TACC2: variants seen among roughly 807,000 people sequenced by gnomAD.
TACC2 encodes the protein transforming acidic coiled-coil-containing protein 2.
A neutral mutation model predicts 227.3 loss-of-function variants in TACC2; 137 were observed. The ratio of observed to expected loss-of-function variants is 0.60; its 90% CI spans 0.52 to 0.69. The LOEUF (loss-of-function observed/expected upper bound fraction) is 0.69. Among genes scored for constraint, TACC2 ranks in the 30% least tolerant of loss-of-function variants. TACC2 has a pLI of 0.00. For synonymous variants in TACC2, 1,523 were observed against 1,487.5 expected, an observed-to-expected ratio of 1.02 and a Z score of -0.55; for missense variants, 3,470 against 3,694.4, an observed-to-expected ratio of 0.94 and a Z score of 1.57.
At chr10:122,132,585 G>A (rs576771097) in intron 5 of TACC2, 24 bp from the exon 6 acceptor site, 2 of 1,613,902 alleles carry the variant, frequency 1.2e-6, no homozygotes, top group African/African-American at 2.7e-5. Flanking sequence ...CTGAGTTTAG[G>A]TTCTTTCCCT....
rs199771319 is a variant in TACC2, at chr10:122,086,481, A to G, written c.3981A>G (p.Pro1327=). The change falls in exon 4 of 23, where the codon CCA becomes CCG. Residue 1327 remains proline, a synonymous_variant. Transcript: ENST00000369005. ...CTGAGGGACCAGTGGACTCCATGCC[A>G]TGCCTGGACCGGATGCCACTTCTGG... ...RTTEGPVDSM[P]CLDRMPLLAK... 1 of 1,613,824 alleles carries G rather than the reference A, an allele frequency of 6.2e-7. No homozygotes were observed. Among genetic ancestry groups the G allele is most frequent in the South Asian group, 1.1e-5 (1 of 91,076 alleles).
At chr10:122,108,386 CTT>C (rs1491512987) in intron 5 of TACC2, among the ~76,000 whole-genome samples, 13 of 119,264 alleles carry the variant, frequency 1.1e-4, no homozygotes, top group South Asian at 6.4e-4. Context: ...CGCGCTCTCT[CTT>C]TCTCTCTCTC....
In TACC2 at chr10:122,143,498, G is replaced by A; in HGVS notation, c.5700-74G>A. On this transcript the variant is annotated intron_variant, in intron 6 of 22. Transcript: ENST00000369005. The stretch of plus-strand genomic sequence containing the variant: ...TGTGTGGGCGGGTGGGTTGGGTGGG[G>A]TGAATGGGGCCTGATGAATGTGCCA... 2.6e-6 allele frequency: 4 copies of A among 1,536,976 alleles called. No homozygotes were observed. The South Asian group carries it at 4.9e-5, about 19-fold the overall frequency.
chr10:122,188,182 T>C (rs1280558969), intron 7 of TACC2, among the ~76,000 whole-genome samples: 1 of 152,222 alleles, frequency 6.6e-6, no homozygotes, highest in Non-Finnish European at 1.5e-5. Flanking sequence ...CAGAAAATGG[T>C]TGGAGGACTG....
intron 1 of TACC2, among the ~76,000 whole-genome samples, chr10:121,998,009 A>C (rs1400335248): frequency 1.3e-5 from 2 of 152,022 alleles, no homozygotes; most frequent in Non-Finnish European, 1.5e-5. Context: ...CTGCTCAAGG[A>C]ACTGACAAGG....
rs542176409 is a variant in TACC2 at position 122,190,317 on chromosome 10, G to A, written c.5835-4723G>A. On this transcript the variant is annotated intron_variant, in intron 7 of 22. Coordinates refer to ENST00000369005, the MANE Select transcript of TACC2 (RefSeq NM_206862.4). ...CTCTTGCTTTGGGGCCAATTTCCAC[G>A]CCCTTCTTTCACACGGTGTGTCAGC... Among the ~76,000 whole-genome samples the A allele has an allele frequency of 2.4e-4, 36 of 152,296 alleles. No homozygotes were observed. In the South Asian group the frequency reaches 5.4e-3, roughly 23 times the overall value.
chr10:122,042,046 C>T lies in TACC2; in HGVS notation c.34-8392C>T, dbSNP rs372965988. 4.0e-5 allele frequency among the ~76,000 whole-genome samples: 6 copies of T among 151,808 alleles called. 1 individual carries two copies. Among genetic ancestry groups the T allele is most frequent in the East Asian group, 3.9e-4 (2 of 5,138 alleles). On this transcript the variant is annotated intron_variant, in intron 2 of 22. Coordinates refer to ENST00000369005, the MANE Select transcript of TACC2 (RefSeq NM_206862.4). ...CTGCAAGCTCCACCTCCCAGGTTCA[C>T]GCCATTCTTCTGCCTCAGCCTCCCG...
intron 7 of TACC2, among the ~76,000 whole-genome samples, chr10:122,159,603 C>T (rs1057239930): frequency 2.0e-5 from 3 of 152,180 alleles, no homozygotes; most frequent in African/African-American, 7.2e-5. Context: ...AGATAACACT[C>T]TCAGAGACAG....
intron 11 of TACC2, among the ~76,000 whole-genome samples, chr10:122,219,028 A>AG: frequency 7.0e-6 from 1 of 142,602 alleles, no homozygotes; most frequent in Non-Finnish European, 1.5e-5. Flanking sequence ...CAAAAAAAAA[A>AG]AAAAAAAGAA....
chr10:122,209,988 G>A lies in TACC2; in HGVS notation c.5972-409G>A, dbSNP rs531948380. 15 of 205,544 alleles carry A rather than the reference G, an allele frequency of 7.3e-5. 1 individual carries two copies. The highest frequency in any genetic ancestry group is 1.2e-4 in the East Asian group (1 of 8,278). The allele number at this position is 205,544 out of a possible 1,614,324, so 12.7% of individuals were successfully genotyped here. Reference sequence around the variant, plus strand: ...ATTACAGGTGTGAGACACCATGCCCGGCCCTGGTGGTTTATTCGCTATCTT... The same window carrying A: ...ATTACAGGTGTGAGACACCATGCCCAGCCCTGGTGGTTTATTCGCTATCTT... On this transcript the variant is annotated intron_variant, in intron 8 of 22. Transcript: ENST00000369005. The surrounding 1 kb of genome is among the most constrained non-coding windows in gnomAD (Gnocchi z 4.5).
At position 122,194,648 on chromosome 10, in the gene TACC2, G is replaced by A. The variant is rs902067144; in HGVS notation, c.5835-392G>A. Among the ~76,000 whole-genome samples the A allele has an allele frequency of 6.6e-6, 1 of 152,212 alleles. No individual in the cohort carries two copies. Among genetic ancestry groups the A allele is most frequent in the Non-Finnish European group, 1.5e-5 (1 of 68,042 alleles). On this transcript the variant is annotated intron_variant, in intron 7 of 22. Coordinates refer to ENST00000369005, the MANE Select transcript of TACC2 (RefSeq NM_206862.4). The surrounding 1 kb of genome is among the most constrained non-coding windows in gnomAD (Gnocchi z 4.4). ...GCTGAGAAGGCAGGACAGTAGAGAG[G>A]ATGATGGGGTGGGATCATGTGGGTG...
rs779322137 is a variant in TACC2, at chr10:122,083,277, C to T, written c.777C>T (p.Gly259=). The T allele has an allele frequency of 6.2e-6, 10 of 1,613,856 alleles. No homozygotes were observed. The South Asian group carries it at 1.1e-4, about 18-fold the overall frequency. Residue 259 remains glycine (G), a synonymous_variant, in exon 4 of 23, where the codon GGC becomes GGT. Coordinates refer to ENST00000369005, the MANE Select transcript of TACC2 (RefSeq NM_206862.4). ...AGGCCCCTGCTGCAGCCCAGCAGGG[C>T]ACAGAAAGCTCAGCGGTCTTGGAGA... is the stretch of plus-strand genomic sequence containing the variant. ...TPEAPAAAQQ[G]TESSAVLEKS...
chr10:122,173,227 AATC>A (rs2093563195), intron 7 of TACC2, among the ~76,000 whole-genome samples: 1 of 152,126 alleles, frequency 6.6e-6, no homozygotes, highest in Non-Finnish European at 1.5e-5. Context: ...TGGGTTTTAG[AATC>A]ACCTTTGATC....
At chr10:122,121,350 C>T (rs574165790) in intron 5 of TACC2, among the ~76,000 whole-genome samples, 1 of 152,210 alleles carries the variant, frequency 6.6e-6, no homozygotes, top group Non-Finnish European at 1.5e-5. Context: ...ACTCCCTCTC[C>T]AGGAAGGACT....
At chr10:122,041,806 T>A (rs2074309336) in intron 2 of TACC2, among the ~76,000 whole-genome samples, 1 of 152,226 alleles carries the variant, frequency 6.6e-6, no homozygotes, top group Non-Finnish European at 1.5e-5. Flanking sequence ...GCTGTGGGGT[T>A]CCCCCAGCCC....
intron 3 of TACC2, among the ~76,000 whole-genome samples, chr10:122,076,671 T>C (rs79200268): frequency 0.041 from 6,257 of 152,068 alleles, 186 homozygotes; most frequent in South Asian, 0.12. Flanking sequence ...AGGTGTGTGA[T>C]TGAGAAGTGC....
At chr10:122,248,508 T>C in intron 19 of TACC2, 135 bp from the exon 20 acceptor site, 1 of 1,042,244 alleles carries the variant, frequency 9.6e-7, no homozygotes, top group African/African-American at 1.6e-5. Context: ...GGGCGTGGGT[T>C]CGTCCCAAGG....
At chr10:122,131,932 G>A (rs115327888) in intron 5 of TACC2, among the ~76,000 whole-genome samples, 77 of 152,190 alleles carry the variant, frequency 5.1e-4, no homozygotes, top group African/African-American at 1.8e-3. Flanking sequence ...TGAGGTACGA[G>A]TATTGCTTGA....
chr10:122,134,630 C>T (rs1161730258), intron 6 of TACC2, among the ~76,000 whole-genome samples: 2 of 152,228 alleles, frequency 1.3e-5, no homozygotes, highest in East Asian at 1.9e-4. Flanking sequence ...TCCTCCCCCT[C>T]TTTGTCCCAT....
Sources: allele counts gnomAD v4.1 joint callset (sites outside exome capture counted in the v4.1 genomes callset), GRCh38; gene constraint gnomAD v4.1.1; non-coding constraint Gnocchi (gnomAD v3.1); transcripts MANE v1.5; gene names NCBI Gene and HGNC (gene_info 2026-07-23, HGNC 2026-07-21).